Variants in MGAT5 observed in about 807,000 individuals in gnomAD.
MGAT5 encodes alpha-1,6-mannosylglycoprotein 6-beta-N-acetylglucosaminyltransferase.
Under a neutral mutation model 94.3 loss-of-function variants are expected in MGAT5, and 30 were observed. The ratio of observed to expected loss-of-function variants is 0.32; its 90% CI spans 0.24 to 0.43. The LOEUF is 0.43. Among genes scored for constraint, MGAT5 ranks in the 20% least tolerant of loss-of-function variants. MGAT5 has a pLI of 1.00. For missense variants in MGAT5, 691 were observed against 905.5 expected, an observed-to-expected ratio of 0.76 and a Z score of 3.04; for synonymous variants, 310 against 322.9, an observed-to-expected ratio of 0.96 and a Z score of 0.43.
intron 4 of MGAT5, among the ~76,000 whole-genome samples, chr2:134,333,356 T>C (rs1224200567): frequency 6.9e-6 from 1 of 145,444 alleles, no homozygotes; most frequent in Admixed American, 7.1e-5. Context: ...ACACCGCATG[T>C]TCTCACTCAT....
At chr2:134,205,147 G>T (rs1460898001) in intron 1 of MGAT5, among the ~76,000 whole-genome samples, 1 of 152,190 alleles carries the variant, frequency 6.6e-6, no homozygotes, top group Admixed American at 6.5e-5. Flanking sequence ...AGGTCAAGGG[G>T]TAGGCAGTGG....
chr2:134,310,965 C>T (rs1367601766), intron 2 of MGAT5, among the ~76,000 whole-genome samples: 2 of 152,200 alleles, frequency 1.3e-5, no homozygotes, highest in African/African-American at 4.8e-5. Context: ...CTGCACTTTG[C>T]AGGGGCCATC....
chr2:134,175,421 G>C (rs1688414622), intron 1 of MGAT5, among the ~76,000 whole-genome samples: 1 of 152,068 alleles, frequency 6.6e-6, no homozygotes. Context: ...GGTTGGCCTG[G>C]GACTCAGACC....
chr2:134,289,747 C>A (rs984328135), intron 2 of MGAT5, among the ~76,000 whole-genome samples: 4 of 152,176 alleles, frequency 2.6e-5, no homozygotes, highest in African/African-American at 9.7e-5. Flanking sequence ...CAGTGACCAA[C>A]ACTCAGTAAG....
At chr2:134,349,036 A>G (rs1283929277) in intron 8 of MGAT5, among the ~76,000 whole-genome samples, 1 of 152,172 alleles carries the variant, frequency 6.6e-6, no homozygotes, top group African/African-American at 2.4e-5. Context: ...ATTCAAGTAC[A>G]ATTTTTATTT....
intron 4 of MGAT5, among the ~76,000 whole-genome samples, chr2:134,325,088 C>T (rs1192014072): frequency 6.6e-6 from 1 of 151,764 alleles, no homozygotes; most frequent in Non-Finnish European, 1.5e-5. Flanking sequence ...TCCCTTTAGC[C>T]CCTCACCCAC....
chr2:134,329,972 G>C (rs554273008), intron 4 of MGAT5, among the ~76,000 whole-genome samples: 2 of 152,158 alleles, frequency 1.3e-5, no homozygotes, highest in Non-Finnish European at 2.9e-5. Context: ...ATGTGGTAGA[G>C]AGAAGTGCAG....
chr2:134,128,095 G>A (rs1685933499), intron 1 of MGAT5, among the ~76,000 whole-genome samples: 1 of 152,034 alleles, frequency 6.6e-6, no homozygotes, highest in African/African-American at 2.4e-5. Flanking sequence ...GAGGCTGGGT[G>A]CAGTGGCTCA....
At chr2:134,428,254 T>C in intron 13 of MGAT5, 111 bp from the exon 14 acceptor site, 1 of 917,618 alleles carries the variant, frequency 1.1e-6, no homozygotes, top group South Asian at 1.5e-5. Context: ...TCAACCCTCA[T>C]GAGGCCGACT....
chr2:134,450,362 A>G lies in MGAT5; in HGVS notation c.*1515A>G, dbSNP rs1686034831. On this transcript the variant is annotated 3_prime_UTR_variant, in exon 16 of 16. Coordinates refer to ENST00000281923, the MANE Select transcript of MGAT5 (RefSeq NM_002410.5). ...CTGCTAACAGAGGGCGGCCCAGTGGAGCCTCCGCTGGGCAGAACTGATGGG... is the reference window on the plus strand; with the variant it reads ...CTGCTAACAGAGGGCGGCCCAGTGGGGCCTCCGCTGGGCAGAACTGATGGG... 1 of 152,102 alleles carries G rather than the reference A, an allele frequency of 6.6e-6. No individual in the cohort carries two copies. The highest frequency in any genetic ancestry group is 1.5e-5 in the Non-Finnish European group (1 of 68,044). 9.4% of individuals were successfully genotyped at this position (152,102 alleles called of 1,614,324 possible).
rs898290718 is a variant in MGAT5, at chr2:134,451,563, A to C, written c.*2716A>C. On this transcript the variant is annotated 3_prime_UTR_variant, in exon 16 of 16. Coordinates refer to ENST00000281923, the MANE Select transcript of MGAT5 (RefSeq NM_002410.5). ...AGGAAGGTGCCCCTGTGTGGGCTGG[A>C]AGCCTGCGGAGGTTTTGCCATTGCT... The C allele has an allele frequency of 1.3e-5, 2 of 152,272 alleles. No homozygotes were observed. The highest frequency in any genetic ancestry group is 2.9e-5 in the Non-Finnish European group (2 of 68,082). 9.4% of individuals were successfully genotyped at this position (152,272 alleles called of 1,614,324 possible). A position where few individuals can be genotyped will look rare whatever the true frequency, so the allele number is the denominator to read the frequency against.
intron 1 of MGAT5, among the ~76,000 whole-genome samples, chr2:134,198,999 A>G (rs1679636511): frequency 6.6e-6 from 1 of 152,212 alleles, no homozygotes; most frequent in African/African-American, 2.4e-5. Flanking sequence ...CATTGTCTTA[A>G]AACATTTTGG....
At chr2:134,256,550 T>A (rs1367938019) in intron 1 of MGAT5, among the ~76,000 whole-genome samples, 1 of 152,172 alleles carries the variant, frequency 6.6e-6, no homozygotes, top group Non-Finnish European at 1.5e-5. Context: ...TTGATGAAAA[T>A]CTCATAGGGA....
intron 10 of MGAT5, among the ~76,000 whole-genome samples, chr2:134,400,595 G>T (rs1402204506): frequency 6.6e-6 from 1 of 151,962 alleles, no homozygotes; most frequent in Non-Finnish European, 1.5e-5. Flanking sequence ...ACTTTCCCAG[G>T]CATTTAGTCT....
At chr2:134,351,939 A>G (rs910620120) in intron 9 of MGAT5, among the ~76,000 whole-genome samples, 26 of 152,218 alleles carry the variant, frequency 1.7e-4, no homozygotes, top group African/African-American at 6.3e-4. Context: ...TGCTCTGAAC[A>G]TATGGAAAGA....
At chr2:134,156,962 G>T (rs1203831002) in intron 1 of MGAT5, among the ~76,000 whole-genome samples, 2 of 152,200 alleles carry the variant, frequency 1.3e-5, no homozygotes, top group East Asian at 3.9e-4. Context: ...AATTGGGAAT[G>T]ATGATATCTA....
intron 1 of MGAT5, among the ~76,000 whole-genome samples, chr2:134,247,653 T>C (rs1481691658): frequency 6.6e-6 from 1 of 152,208 alleles, no homozygotes; most frequent in Non-Finnish European, 1.5e-5. Flanking sequence ...ATCTTTGATG[T>C]TCTTTGGAGC....
chr2:134,367,877 GCA>G (rs1306265626), intron 10 of MGAT5, among the ~76,000 whole-genome samples: 1 of 152,230 alleles, frequency 6.6e-6, no homozygotes, highest in Non-Finnish European at 1.5e-5. Flanking sequence ...TCGTGAATCT[GCA>G]CAGTGTTTCT....
chr2:134,146,361 C>T (rs1254035576), intron 1 of MGAT5, among the ~76,000 whole-genome samples: 1 of 151,834 alleles, frequency 6.6e-6, no homozygotes, highest in East Asian at 1.9e-4. Context: ...AGTTCCAGAC[C>T]AGCCTGGGCA....
Sources: gnomAD v4.1 joint callset for allele counts (sites outside exome capture counted in the v4.1 genomes callset) on GRCh38, gnomAD v4.1.1 for gene constraint, MANE v1.5 for transcripts, NCBI Gene and HGNC (gene_info 2026-07-23, HGNC 2026-07-21) for gene names.